The following CCBE1 variants were observed in gnomAD, a reference collection of about 807,000 sequenced individuals.
CCBE1 encodes the protein collagen and calcium-binding EGF domain-containing protein 1.
CCBE1 carries 37 observed loss-of-function variants against 50.0 expected under a neutral mutation model. The observed-to-expected ratio is 0.74, with a 90% CI of 0.57 to 0.97. The LOEUF (loss-of-function observed/expected upper bound fraction) is 0.97, where lower values mean the gene tolerates loss of function less well. Among genes scored for constraint, CCBE1 ranks in the 50% least tolerant of loss-of-function variants. CCBE1 has a pLI of 0.00. For missense variants in CCBE1, 538 were observed against 523.8 expected (o/e 1.03, Z -0.26); for synonymous variants, 234 against 203.7 (o/e 1.15, Z -1.27).
chr18:59,475,707 A>ATATT (rs932635795), intron 3 of CCBE1, among the ~76,000 whole-genome samples: 2 of 150,558 alleles, frequency 1.3e-5, no homozygotes, highest in African/African-American at 2.4e-5. Flanking sequence ...ATGCTCTGCT[A>ATATT]TATTTATTTA....
chr18:59,683,037 A>AG (rs2054612933), intron 2 of CCBE1, among the ~76,000 whole-genome samples: 1 of 152,198 alleles, frequency 6.6e-6, no homozygotes, highest in Non-Finnish European at 1.5e-5. Flanking sequence ...TCCCTTGGGT[A>AG]GGTCAGCTGG....
chr18:59,662,801 G>A (rs2054302233), intron 2 of CCBE1, among the ~76,000 whole-genome samples: 2 of 152,178 alleles, frequency 1.3e-5, no homozygotes, highest in Admixed American at 6.5e-5. Flanking sequence ...ACATAAAAAG[G>A]TGCTTTATAC....
intron 3 of CCBE1, among the ~76,000 whole-genome samples, chr18:59,470,076 C>T (rs941500937): frequency 1.3e-5 from 2 of 152,068 alleles, no homozygotes; most frequent in Admixed American, 1.3e-4. Flanking sequence ...AGGAAGGGGG[C>T]TTTGTGTATA....
chr18:59,696,780 A>G (rs552627162), intron 1 of CCBE1, 71 bp from the exon 2 acceptor site: 1 of 1,510,328 alleles, frequency 6.6e-7, no homozygotes, highest in African/African-American at 1.4e-5. Flanking sequence ...GCGCTGGGGA[A>G]TCCCTGGCGC....
At chr18:59,516,461 A>T (rs1033189894) in intron 2 of CCBE1, among the ~76,000 whole-genome samples, 1 of 152,204 alleles carries the variant, frequency 6.6e-6, no homozygotes, top group African/African-American at 2.4e-5. Context: ...CAAGTGGCCG[A>T]TAGTAGCTGC....
At chr18:59,566,499 C>T (rs915835638) in intron 2 of CCBE1, among the ~76,000 whole-genome samples, 4 of 152,112 alleles carry the variant, frequency 2.6e-5, no homozygotes, top group Non-Finnish European at 4.4e-5. Flanking sequence ...CATGAAACAA[C>T]TGTAACTTTA....
chr18:59,658,804 C>T (rs867899470), intron 2 of CCBE1, among the ~76,000 whole-genome samples: 3 of 137,342 alleles, frequency 2.2e-5, no homozygotes, highest in Admixed American at 8.7e-5. Context: ...CCCTTGAACC[C>T]GGGCAGTGGA....
intron 2 of CCBE1, among the ~76,000 whole-genome samples, chr18:59,491,920 TGGATTGC>T (rs1913123012): frequency 1.4e-5 from 2 of 147,508 alleles, no homozygotes; most frequent in Admixed American, 6.7e-5. Context: ...CCGAGGCGAG[TGGATTGC>T]CTGAGCTCAG....
chr18:59,500,043 A>G (rs912796520), intron 2 of CCBE1, among the ~76,000 whole-genome samples: 2 of 152,202 alleles, frequency 1.3e-5, no homozygotes, highest in African/African-American at 4.8e-5. Context: ...TCCACAATGT[A>G]GGGCTTAGCT....
At chr18:59,456,226 C>G (rs528661291) in intron 5 of CCBE1, among the ~76,000 whole-genome samples, 138 of 152,324 alleles carry the variant, frequency 9.1e-4, no homozygotes, top group Non-Finnish European at 1.6e-3. Context: ...GAACCAGGCT[C>G]ACTTCTTGGT....
intron 2 of CCBE1, among the ~76,000 whole-genome samples, chr18:59,521,831 T>G (rs571231069): frequency 6.6e-6 from 1 of 152,346 alleles, no homozygotes; most frequent in Admixed American, 6.5e-5. Flanking sequence ...GACAAAAAAG[T>G]TTAGTCATAC....
intron 5 of CCBE1, chr18:59,462,381 G>A (rs1257530232): frequency 1.3e-5 from 2 of 152,054 alleles, no homozygotes; most frequent in Non-Finnish European, 2.9e-5. Context: ...ATGTCTGTAG[G>A]AATAATTTTG....
chr18:59,504,278 T>C (rs1489238974), intron 2 of CCBE1, among the ~76,000 whole-genome samples: 1 of 152,228 alleles, frequency 6.6e-6, no homozygotes, highest in African/African-American at 2.4e-5. Context: ...ACTCTAGCTA[T>C]ACACATTTTC....
At chr18:59,685,757 G>A (rs901443458) in intron 2 of CCBE1, 1 of 152,212 alleles carries the variant, frequency 6.6e-6, no homozygotes, top group Non-Finnish European at 1.5e-5. Flanking sequence ...TCACTGCCTA[G>A]CACCTTGCCA....
intron 2 of CCBE1, among the ~76,000 whole-genome samples, chr18:59,571,965 G>A (rs1245517462): frequency 1.3e-5 from 2 of 152,202 alleles, no homozygotes; most frequent in South Asian, 2.1e-4. Context: ...TTCTAGTCTA[G>A]TCTTTAATCT....
intron 2 of CCBE1, among the ~76,000 whole-genome samples, chr18:59,543,615 CA>C (rs1462565934): frequency 1.3e-5 from 2 of 152,140 alleles, no homozygotes; most frequent in Non-Finnish European, 2.9e-5. Context: ...GCGGGCAGAT[CA>C]CGAGGTCAGG....
At chr18:59,526,591 G>A (rs918136404) in intron 2 of CCBE1, among the ~76,000 whole-genome samples, 7 of 152,178 alleles carry the variant, frequency 4.6e-5, no homozygotes, top group African/African-American at 1.4e-4. Flanking sequence ...TTACAGGTGT[G>A]AGCCACCATG....
intron 2 of CCBE1, among the ~76,000 whole-genome samples, chr18:59,680,945 G>C (rs2054581591): frequency 6.6e-6 from 1 of 151,368 alleles, no homozygotes. Context: ...TTATTAAGCT[G>C]AGACTGCCTA....
intron 2 of CCBE1, among the ~76,000 whole-genome samples, chr18:59,590,747 AACTCAAATC>A (rs2053252366): frequency 6.6e-6 from 1 of 152,250 alleles, no homozygotes; most frequent in Non-Finnish European, 1.5e-5. Flanking sequence ...GAAACATGGT[AACTCAAATC>A]ACTGGGGCAA....
Sources: gnomAD v4.1 joint callset for allele counts (sites outside exome capture counted in the v4.1 genomes callset) on GRCh38, gnomAD v4.1.1 for gene constraint, MANE v1.5 for transcripts, NCBI Gene and HGNC (gene_info 2026-07-23, HGNC 2026-07-21) for gene names.